PHLPP1: variants seen among roughly 807,000 people sequenced by gnomAD.
PHLPP1 encodes PH domain and leucine rich repeat protein phosphatase 1.
A neutral mutation model predicts 117.2 loss-of-function variants in PHLPP1; 42 were observed. That is an observed-to-expected ratio of 0.36 (90% CI 0.28 to 0.46). PHLPP1 has a LOEUF of 0.46. Ranked by LOEUF, PHLPP1 falls within the 20% of genes least tolerant of loss-of-function variation. The pLI, the probability that PHLPP1 is intolerant of heterozygous loss-of-function variation, is 1.00. For synonymous variants in PHLPP1, 1,042 were observed against 970.7 expected (o/e 1.07, Z -1.37); for missense variants, 2,084 against 2,241.9 (o/e 0.93, Z 1.42).
intron 4 of PHLPP1, among the ~76,000 whole-genome samples, chr18:62,874,657 G>GCGCGCACA (rs1402811825): frequency 6.8e-6 from 1 of 147,624 alleles, no homozygotes. Flanking sequence ...ACGCACGCGC[G>GCGCGCACA]CACACACACA....
At chr18:62,847,093 C>T (rs1000054182) in intron 3 of PHLPP1, among the ~76,000 whole-genome samples, 4 of 152,152 alleles carry the variant, frequency 2.6e-5, no homozygotes, top group Non-Finnish European at 4.4e-5. Context: ...GTTTGCTTAT[C>T]GTCTCATAAC....
At chr18:62,744,560 G>GT (rs1356798085) in intron 1 of PHLPP1, among the ~76,000 whole-genome samples, 1 of 152,170 alleles carries the variant, frequency 6.6e-6, no homozygotes, top group African/African-American at 2.4e-5. Flanking sequence ...GTGGATATTG[G>GT]TTTTTTAGTG....
intron 1 of PHLPP1, among the ~76,000 whole-genome samples, chr18:62,754,187 T>G (rs1468597896): frequency 1.3e-5 from 2 of 152,246 alleles, no homozygotes; most frequent in Non-Finnish European, 2.9e-5. Flanking sequence ...TCAGCTGTTC[T>G]GTTCTGCTGT....
At position 62,979,130 on chromosome 18, in the gene PHLPP1, T is replaced by C. The variant is rs371027047; in HGVS notation, c.4853T>C (p.Ile1618Thr). ...RKADFSAVGTIGRRRANGSVA... is the reference protein window; with the variant it reads ...RKADFSAVGTTGRRRANGSVA... ...GCAGACTTCTCTGCCGTTGGGACCA[T>C]TGGGCGCCGGAGGGCCAATGGCTCT... The change falls in exon 17 of 17, where the codon ATT (isoleucine) becomes ACT (threonine). Residue 1618 changes from isoleucine (I) to threonine (T), a missense_variant. By Grantham distance (89) the Ile-to-Thr change is moderately conservative. This residue lies in a region of PHLPP1 where 1,365 missense variants were observed against 1,605.9 expected (regional missense o/e 0.85). Coordinates refer to ENST00000262719, the MANE Select transcript of PHLPP1 (RefSeq NM_194449.4). 43 of 1,613,780 alleles carry C rather than the reference T, an allele frequency of 2.7e-5. No individual in the cohort carries two copies. The highest frequency in any genetic ancestry group is 2.5e-4 in the East Asian group (11 of 44,886).
intron 9 of PHLPP1, among the ~76,000 whole-genome samples, chr18:62,916,148 C>T (rs1909269430): frequency 6.6e-6 from 1 of 151,894 alleles, no homozygotes; most frequent in African/African-American, 2.4e-5. Flanking sequence ...TATGGTAGCC[C>T]CCAGCCAGCC....
At chr18:62,867,850 T>C (rs1037423649) in intron 4 of PHLPP1, among the ~76,000 whole-genome samples, 1 of 152,164 alleles carries the variant, frequency 6.6e-6, no homozygotes, top group African/African-American at 2.4e-5. Flanking sequence ...CTGGCTCTGT[T>C]GTCCAGGCTG....
At position 62,860,641 on chromosome 18, in the gene PHLPP1, G is replaced by C. The variant is rs1197807246; in HGVS notation, c.2066+40G>C. 3.3e-6 allele frequency: 5 copies of C among 1,522,026 alleles called. No homozygotes were observed. In the East Asian group the frequency reaches 1.1e-4, roughly 35 times the overall value. The allele number at this position is 1,522,026 out of a possible 1,614,324, so 94.3% of individuals were successfully genotyped here. On this transcript the variant is annotated intron_variant, in intron 4 of 16. Coordinates refer to ENST00000262719, the MANE Select transcript of PHLPP1 (RefSeq NM_194449.4). ...ATGGGTAGATCATTAGGAAGGGGTG[G>C]GGGCAGAATGAACTTCTGCTTGTTA...
chr18:62,844,584 C>T (rs1432838235), intron 3 of PHLPP1, among the ~76,000 whole-genome samples: 2 of 152,182 alleles, frequency 1.3e-5, no homozygotes, highest in Non-Finnish European at 2.9e-5. Flanking sequence ...TGGATTATTA[C>T]AAAGCAAACC....
intron 1 of PHLPP1, among the ~76,000 whole-genome samples, chr18:62,737,742 G>A (rs1316807525): frequency 6.6e-6 from 1 of 152,148 alleles, no homozygotes; most frequent in African/African-American, 2.4e-5. Flanking sequence ...TGAGGATTAG[G>A]AAGAGTAGAC....
intron 1 of PHLPP1, chr18:62,824,054 C>T: frequency 7.6e-6 from 3 of 392,338 alleles, no homozygotes; most frequent in Non-Finnish European, 1.5e-5. Context: ...ATTGCTTGAA[C>T]CTGGGAGGTG....
intron 10 of PHLPP1, among the ~76,000 whole-genome samples, chr18:62,923,142 A>G (rs76133958): frequency 0.011 from 1,704 of 152,266 alleles, 34 homozygotes; most frequent in African/African-American, 0.038. Context: ...CCCCATACAA[A>G]TAGACTGACC....
At chr18:62,720,204 G>T (rs1355251891) in intron 1 of PHLPP1, among the ~76,000 whole-genome samples, 1 of 152,062 alleles carries the variant, frequency 6.6e-6, no homozygotes. Flanking sequence ...AAGGTTGCTC[G>T]ACATAAGTTA....
intron 3 of PHLPP1, among the ~76,000 whole-genome samples, chr18:62,859,770 T>C (rs1915587151): frequency 6.6e-6 from 1 of 152,220 alleles, no homozygotes; most frequent in African/African-American, 2.4e-5. Context: ...TTTTCAGGAA[T>C]AAAACTCCTG....
chr18:62,832,306 A>C (rs1001742701), intron 2 of PHLPP1: 1 of 152,362 alleles, frequency 6.6e-6, no homozygotes, highest in African/African-American at 2.4e-5. Context: ...GATTAATGGA[A>C]GGAGAGATTA....
At chr18:62,762,797 C>T (rs899861681) in intron 1 of PHLPP1, among the ~76,000 whole-genome samples, 2 of 152,020 alleles carry the variant, frequency 1.3e-5, no homozygotes, top group African/African-American at 2.4e-5. Flanking sequence ...TTTAATTTTG[C>T]GACCTTGGTT....
intron 6 of PHLPP1, among the ~76,000 whole-genome samples, chr18:62,902,649 A>C (rs531608240): frequency 6.6e-6 from 1 of 152,238 alleles, no homozygotes; most frequent in East Asian, 1.9e-4. Flanking sequence ...AGTTCTTTGG[A>C]AGTCAGTGCT....
chr18:62,867,197 G>C (rs1915791161), intron 4 of PHLPP1, among the ~76,000 whole-genome samples: 1 of 152,082 alleles, frequency 6.6e-6, no homozygotes, highest in Non-Finnish European at 1.5e-5. Context: ...CAACCCTTTT[G>C]AATCTTTTGG....
At chr18:62,913,635 G>GCTAA (rs1456066360) in intron 8 of PHLPP1, among the ~76,000 whole-genome samples, 1 of 151,466 alleles carries the variant, frequency 6.6e-6, no homozygotes, top group Non-Finnish European at 1.5e-5. Context: ...AAAGTAAAAA[G>GCTAA]CTAACCAGTG....
At chr18:62,787,104 C>G (rs573168445) in intron 1 of PHLPP1, among the ~76,000 whole-genome samples, 3 of 152,084 alleles carry the variant, frequency 2.0e-5, no homozygotes, top group Non-Finnish European at 4.4e-5. Flanking sequence ...ATTCAATTTT[C>G]TCTGGAATTT....
Sources: allele counts gnomAD v4.1 joint callset (sites outside exome capture counted in the v4.1 genomes callset), GRCh38; gene constraint gnomAD v4.1.1; regional missense constraint gnomAD v4.1.1; transcripts MANE v1.5; gene names NCBI Gene and HGNC (gene_info 2026-07-23, HGNC 2026-07-21).